The following TYR variants were observed in gnomAD, a reference collection of about 807,000 sequenced individuals.
TYR encodes the protein LB24-AB.
A neutral mutation model predicts 51.5 loss-of-function variants in TYR; 58 were observed. That is an observed-to-expected ratio of 1.13 (90% confidence interval 0.91 to 1.40). The LOEUF is 1.40. TYR is among the 40% of genes most tolerant of loss of function. The pLI, the probability that TYR is intolerant of heterozygous loss-of-function variation, is 0.00. For missense variants in TYR, 732 were observed against 647.4 expected, an observed-to-expected ratio of 1.13 and a Z score of -1.42; for synonymous variants, 263 against 235.2, an observed-to-expected ratio of 1.12 and a Z score of -1.08.
At chr11:89,288,494 G>C (rs999817480) in intron 4 of TYR, among the ~76,000 whole-genome samples, 23 of 151,916 alleles carry the variant, frequency 1.5e-4, no homozygotes, top group African/African-American at 5.6e-4. Context: ...ATGAGCCAGG[G>C]GAGAAGAGGC....
chr11:89,184,164 C>T (rs1303619131), intron 1 of TYR, among the ~76,000 whole-genome samples: 1 of 151,616 alleles, frequency 6.6e-6, no homozygotes, highest in Non-Finnish European at 1.5e-5. Flanking sequence ...ATTTCTGGAA[C>T]CAGGGTAGAT....
At chr11:89,178,838 G>T in intron 1 of TYR, 66 bp downstream of exon 1, 6 of 1,539,072 alleles carry the variant, frequency 3.9e-6, no homozygotes, top group Middle Eastern at 1.7e-4. Flanking sequence ...CTTCAGGCAG[G>T]GTATAAACTT....
At chr11:89,285,035 C>T (rs770404262) in intron 4 of TYR, 81 bp downstream of exon 4, 33 of 1,207,588 alleles carry the variant, frequency 2.7e-5, no homozygotes, top group Admixed American at 1.4e-4. Context: ...CTTTATGCTT[C>T]GACAATGTTA....
intron 3 of TYR, among the ~76,000 whole-genome samples, chr11:89,282,265 C>T (rs187443497): frequency 6.6e-6 from 1 of 151,804 alleles, no homozygotes; most frequent in East Asian, 1.9e-4. Context: ...TGCCTCCAGC[C>T]CTTATTTAGT....
rs893488505 is a variant in TYR at position 89,291,183 on chromosome 11, G to T, written c.1367-3960G>T. Among the ~76,000 whole-genome samples the T allele has an allele frequency of 1.4e-4, 21 of 151,814 alleles. 2 individuals are homozygous for T. Among genetic ancestry groups the T allele is most frequent in the African/African-American group, 4.8e-4 (20 of 41,476 alleles). ...TCTTCTGGGTCCAATAACACATTCAGTCATTCAGTAAACATGTTCATTCTC... is the reference window on the plus strand; with the variant it reads ...TCTTCTGGGTCCAATAACACATTCATTCATTCAGTAAACATGTTCATTCTC... On this transcript the variant is annotated intron_variant, in intron 4 of 4. Coordinates refer to ENST00000263321, the MANE Select transcript of TYR (RefSeq NM_000372.5).
At chr11:89,214,290 A>G (rs1943803495) in intron 2 of TYR, among the ~76,000 whole-genome samples, 2 of 152,352 alleles carry the variant, frequency 1.3e-5, no homozygotes, top group South Asian at 4.1e-4. Flanking sequence ...AATCCTCATC[A>G]TCCCTGGTCA....
intron 3 of TYR, among the ~76,000 whole-genome samples, chr11:89,280,858 T>A (rs2135321554): frequency 6.6e-6 from 1 of 151,826 alleles, no homozygotes; most frequent in East Asian, 2.0e-4. Flanking sequence ...TTGTCCTAGT[T>A]GTTACAGTTT....
At chr11:89,199,678 AC>A in intron 2 of TYR, among the ~76,000 whole-genome samples, 1 of 152,320 alleles carries the variant, frequency 6.6e-6, no homozygotes, top group East Asian at 1.9e-4. Context: ...AGCTCCTATT[AC>A]ATACACAAAA....
chr11:89,281,866 G>C (rs1944725374), intron 3 of TYR, among the ~76,000 whole-genome samples: 1 of 151,522 alleles, frequency 6.6e-6, no homozygotes, highest in African/African-American at 2.4e-5. Flanking sequence ...GAATTTCACT[G>C]TCACTCAGAT....
intron 3 of TYR, among the ~76,000 whole-genome samples, chr11:89,255,804 C>T (rs1423808248): frequency 6.6e-6 from 1 of 151,556 alleles, no homozygotes; most frequent in Non-Finnish European, 1.5e-5. Flanking sequence ...TTTTTTATAA[C>T]CAGCCTAATT....
chr11:89,211,441 G>C (rs1943754388), intron 2 of TYR, among the ~76,000 whole-genome samples: 1 of 152,142 alleles, frequency 6.6e-6, no homozygotes, highest in East Asian at 1.9e-4. Flanking sequence ...GGAGCACCTA[G>C]ATTCATAAAG....
chr11:89,183,478 G>A (rs34202080), intron 1 of TYR, among the ~76,000 whole-genome samples: 28,322 of 151,944 alleles, frequency 0.19, 3,503 homozygotes, highest in African/African-American at 0.35. Context: ...GTGCTAATAG[G>A]AGGATTAAAT....
intron 3 of TYR, among the ~76,000 whole-genome samples, chr11:89,269,468 T>G (rs1169694116): frequency 1.3e-5 from 2 of 151,994 alleles, no homozygotes; most frequent in East Asian, 3.9e-4. Context: ...TAAATGTTTT[T>G]TGGAAAAGGA....
chr11:89,192,007 T>C (rs187171533), intron 2 of TYR: 16 of 452,774 alleles, frequency 3.5e-5, no homozygotes, highest in Admixed American at 9.6e-5. Context: ...CTGTTTAAAA[T>C]ATTCTAGGCA....
chr11:89,230,640 G>C (rs1944034692), intron 3 of TYR, among the ~76,000 whole-genome samples: 1 of 151,832 alleles, frequency 6.6e-6, no homozygotes, highest in African/African-American at 2.4e-5. Context: ...CTCTGATAAG[G>C]GGTTAATATT....
chr11:89,207,998 G>A (rs1018328875), intron 2 of TYR, among the ~76,000 whole-genome samples: 4 of 152,240 alleles, frequency 2.6e-5, no homozygotes, highest in African/African-American at 4.8e-5. Flanking sequence ...GCCAGGGGCG[G>A]TGGCTCACGC....
Position 89,231,781 on chromosome 11 carries a change from C to T in TYR, c.1184+3811C>T, listed in dbSNP as rs572501622. On this transcript the variant is annotated intron_variant, in intron 3 of 4. Coordinates refer to ENST00000263321, the MANE Select transcript of TYR (RefSeq NM_000372.5). ...GGTGGATTGCCTGAGCTCAGGAGTT[C>T]GAGGCCATGCTAGGCAACACAGTAA... is the stretch of plus-strand genomic sequence containing the variant. Among the ~76,000 whole-genome samples, 5 of 141,068 alleles carry T rather than the reference C, an allele frequency of 3.5e-5. 1 individual carries two copies. The South Asian group carries it at 7.0e-4, about 20-fold the overall frequency. The allele number at this position is 141,068 out of a possible 152,430, so 92.5% of individuals were successfully genotyped here.
intron 2 of TYR, among the ~76,000 whole-genome samples, chr11:89,218,107 T>G (rs1943856214): frequency 6.6e-6 from 1 of 152,126 alleles, no homozygotes; most frequent in Non-Finnish European, 1.5e-5. Context: ...AATTATTCCA[T>G]CAGGAGACTA....
intron 4 of TYR, among the ~76,000 whole-genome samples, chr11:89,292,150 T>C (rs757636863): frequency 3.3e-4 from 50 of 152,056 alleles, no homozygotes; most frequent in Non-Finnish European, 5.4e-4. Context: ...ATTTTTTCCC[T>C]GGGTGACATC....
Sources: allele counts gnomAD v4.1 joint callset (sites outside exome capture counted in the v4.1 genomes callset), GRCh38; gene constraint gnomAD v4.1.1; transcripts MANE v1.5; gene names NCBI Gene and HGNC (gene_info 2026-07-23, HGNC 2026-07-21).